The following SLC12A6 variants were observed in gnomAD, a reference collection of about 807,000 sequenced individuals.
SLC12A6 encodes K-Cl cotransporter 3.
Under a neutral mutation model 135.3 loss-of-function variants are expected in SLC12A6, and 66 were observed. The observed-to-expected ratio is 0.49, with a 90% CI of 0.40 to 0.60. The LOEUF is 0.60. SLC12A6 is among the 20% of genes least tolerant of loss of function. The pLI is 0.00. For synonymous variants in SLC12A6, 513 were observed against 508.8 expected, an observed-to-expected ratio of 1.01 and a Z score of -0.11; for missense variants, 1,058 against 1,452.3, an observed-to-expected ratio of 0.73 and a Z score of 4.41.
intron 16 of SLC12A6, 32 bp downstream of exon 16, chr15:34,243,942 G>A (rs79436830): frequency 1.0e-5 from 13 of 1,272,386 alleles, no homozygotes; most frequent in South Asian, 3.6e-5. Context: ...CTCTCCAAAC[G>A]TGAGTAAAAA....
At chr15:34,300,779 G>A (rs970677874) in intron 2 of SLC12A6, among the ~76,000 whole-genome samples, 8 of 128,926 alleles carry the variant, frequency 6.2e-5, no homozygotes, top group African/African-American at 2.6e-4. Flanking sequence ...CTGGGAGACA[G>A]AGTGACTCCG....
At position 34,229,871 on chromosome 15, in the gene SLC12A6, C is replaced by CT. The variant is rs1566791786; in HGVS notation, c.*4009dup. 2 of 1,264,188 alleles carry CT rather than the reference C, an allele frequency of 1.6e-6. No homozygotes were observed. Among genetic ancestry groups the CT allele is most frequent in the South Asian group, 2.4e-5 (2 of 83,502 alleles). 78.3% of individuals were successfully genotyped at this position (1,264,188 alleles called of 1,614,324 possible). The stretch of plus-strand genomic sequence containing the variant: ...AAGCCCAGTGGCTCCTCAGCATACT[C>CT]TTAAACTAATCACTTATGTTAAAAA... On this transcript the variant is annotated 3_prime_UTR_variant, in exon 26 of 26. Coordinates refer to ENST00000354181, the MANE Select transcript of SLC12A6 (RefSeq NM_001365088.1).
At chr15:34,249,454 C>T (rs932805728) in intron 13 of SLC12A6, among the ~76,000 whole-genome samples, 1 of 152,076 alleles carries the variant, frequency 6.6e-6, no homozygotes, top group African/African-American at 2.4e-5. Flanking sequence ...GTGGTCCCAG[C>T]TACTTGGGAA....
chr15:34,256,812 A>G (rs1405533742), intron 6 of SLC12A6, among the ~76,000 whole-genome samples: 1 of 152,208 alleles, frequency 6.6e-6, no homozygotes, highest in Non-Finnish European at 1.5e-5. Context: ...GTTCAGTGAG[A>G]GGTAAAAACT....
intron 3 of SLC12A6, among the ~76,000 whole-genome samples, chr15:34,274,813 A>G (rs1482446628): frequency 6.7e-6 from 1 of 150,170 alleles, no homozygotes; most frequent in African/African-American, 2.4e-5. Flanking sequence ...CACTGTCTCA[A>G]AAAAAAAAAG....
chr15:34,275,726 G>C (rs1333334450), intron 2 of SLC12A6, among the ~76,000 whole-genome samples: 1 of 151,944 alleles, frequency 6.6e-6, no homozygotes, highest in African/African-American at 2.4e-5. Context: ...TACAGATGAA[G>C]GAATCAACAA....
intron 2 of SLC12A6, among the ~76,000 whole-genome samples, chr15:34,306,301 C>G (rs1281666796): frequency 1.3e-5 from 2 of 152,204 alleles, no homozygotes; most frequent in Non-Finnish European, 2.9e-5. Flanking sequence ...TGTGGAGGCC[C>G]AGGAGGAAGC....
intron 17 of SLC12A6, 119 bp from the exon 18 acceptor site, chr15:34,241,456 A>G (rs1891635327): frequency 1.5e-6 from 1 of 666,880 alleles, no homozygotes; most frequent in African/African-American, 1.8e-5. Context: ...ATTAAAGCTC[A>G]GATTAATGAT....
At chr15:34,299,080 C>G (rs347844) in intron 2 of SLC12A6, among the ~76,000 whole-genome samples, 8,313 of 152,188 alleles carry the variant, frequency 0.055, 753 homozygotes, top group African/African-American at 0.19. Flanking sequence ...GTGTGGGGTA[C>G]TAATCTGAGT....
In SLC12A6 at chr15:34,311,352, A is replaced by T. The variant is rs531739816; in HGVS notation, c.271+25058T>A. 2.6e-5 allele frequency among the ~76,000 whole-genome samples: 4 copies of T among 152,306 alleles called. No individual in the cohort carries two copies. The South Asian group carries it at 8.3e-4, about 32-fold the overall frequency. On this transcript the variant is annotated intron_variant, in intron 2 of 25. Coordinates refer to ENST00000354181, the MANE Select transcript of SLC12A6 (RefSeq NM_001365088.1). ...TAATACATATATTTTTAGGCTAGCC[A>T]AGTGAAGCAGTGGAAATAAATATTT...
intron 19 of SLC12A6, 111 bp from the exon 20 acceptor site, chr15:34,239,271 T>G (rs1358139764): frequency 1.2e-6 from 1 of 819,502 alleles, no homozygotes; most frequent in Non-Finnish European, 2.1e-6. Flanking sequence ...TTCATAATAC[T>G]ATATCATCTA....
At chr15:34,296,006 C>G (rs1356776159) in intron 2 of SLC12A6, among the ~76,000 whole-genome samples, 1 of 149,198 alleles carries the variant, frequency 6.7e-6, no homozygotes, top group East Asian at 1.9e-4. Flanking sequence ...ATCTCAAAAA[C>G]AAACAAACAC....
Position 34,237,526 on chromosome 15 carries a change from T to C in SLC12A6, c.2827A>G (p.Ile943Val). The change falls in exon 22 of 26, where the codon ATC becomes GTC. Residue 943 changes from isoleucine to valine, a missense_variant. Physicochemically the swap from Ile to Val is conservative, Grantham distance 29. Transcript: ENST00000354181. ...TCTTCTAATTGGGCTACTGTGAAGA[T>C]CCGTATGCTGCACTTTCGCCACACC... ...HKVWRKCSIR[I>V]FTVAQLEDNS... 6.2e-7 allele frequency: 1 copy of C among 1,612,896 alleles called. No homozygotes were observed. The highest frequency in any genetic ancestry group is 8.5e-7 in the Non-Finnish European group (1 of 1,179,070).
rs1430015102 is a variant in SLC12A6 at position 34,314,100 on chromosome 15, TG to T, written c.271+22309del. ...TCTTGCTCTGTTGCTTAGGCTGGAG[TG>T]CAGTGGCCCGATCTCAGCTCACTGC... On this transcript the variant is annotated intron_variant, in intron 2 of 25. Coordinates refer to ENST00000354181, the MANE Select transcript of SLC12A6 (RefSeq NM_001365088.1). Among the ~76,000 whole-genome samples the T allele has an allele frequency of 2.0e-5, 3 of 149,884 alleles. No individual in the cohort carries two copies. In the Admixed American group the frequency reaches 2.0e-4, roughly 10 times the overall value.
Position 34,252,364 on chromosome 15 carries a change from C to T in SLC12A6, c.1139G>A (p.Arg380His), listed in dbSNP as rs375887656. The change falls in exon 10 of 26, where the codon CGC (arginine) becomes CAC (histidine). Residue 380 changes from arginine to histidine, a missense_variant. By Grantham distance (29) the Arg-to-His change is conservative. Transcript: ENST00000354181. ...GTCAATGTGTCTTGATGAAAGGGTG[C>T]GGTTACCCAGCATGCAGACCCTAAG... The part of the protein sequence containing the change: ...PHFPVCMLGN[R>H]TLSSRHIDVC... 4.5e-5 allele frequency: 72 copies of T among 1,608,236 alleles called. 3 individuals carry two copies. The Middle Eastern group carries it at 2.3e-3, about 52-fold the overall frequency.
In SLC12A6 at chr15:34,254,573, C is replaced by T. The variant is rs763512390; in HGVS notation, c.893G>A (p.Arg298Gln). Reference protein sequence around the residue: ...IEIFLVYIVPRAAIFHSDDAL... With the variant: ...IEIFLVYIVPQAAIFHSDDAL... ...GTCATCACTGTGAAAGATGGCAGCT[C>T]GGGGGACGATATAGACCTGTTAGGT... Residue 298 changes from arginine to glutamine, a missense_variant, in exon 9 of 26, where the codon CGA becomes CAA. Coordinates refer to ENST00000354181, the MANE Select transcript of SLC12A6 (RefSeq NM_001365088.1). 5.6e-6 allele frequency: 9 copies of T among 1,608,036 alleles called. No individual in the cohort carries two copies. Among genetic ancestry groups the T allele is most frequent in the East Asian group, 4.5e-5 (2 of 44,846 alleles).
chr15:34,298,105 C>T (rs1895994756), intron 2 of SLC12A6, among the ~76,000 whole-genome samples: 1 of 152,012 alleles, frequency 6.6e-6, no homozygotes, highest in South Asian at 2.1e-4. Context: ...CATTTGCTCT[C>T]AAGAAGTTCA....
intron 20 of SLC12A6, 36 bp downstream of exon 20, chr15:34,238,929 T>G (rs374333781): frequency 1.3e-6 from 2 of 1,553,216 alleles, no homozygotes; most frequent in African/African-American, 2.7e-5. Flanking sequence ...TACCCTCGAC[T>G]TGGGCCTTTA....
chr15:34,277,449 C>A (rs550510232), intron 2 of SLC12A6, among the ~76,000 whole-genome samples: 29 of 150,974 alleles, frequency 1.9e-4, no homozygotes, highest in Admixed American at 1.5e-3. Flanking sequence ...CAACCCCCCA[C>A]TATATATATA....
Sources: gnomAD v4.1 joint callset for allele counts (sites outside exome capture counted in the v4.1 genomes callset) on GRCh38, gnomAD v4.1.1 for gene constraint, MANE v1.5 for transcripts, NCBI Gene and HGNC (gene_info 2026-07-23, HGNC 2026-07-21) for gene names.